The following DHX34 variants were observed in gnomAD, a reference collection of about 807,000 sequenced individuals.
The protein encoded by DHX34 is probable ATP-dependent RNA helicase DHX34.
DHX34 carries 96 observed loss-of-function variants against 111.1 expected under a neutral mutation model. The ratio of observed to expected loss-of-function variants is 0.86; its 90% confidence interval spans 0.73 to 1.02. The LOEUF is 1.02. DHX34 is among the 50% of genes least tolerant of loss of function. The pLI is 0.00. For synonymous variants in DHX34, 688 were observed against 670.4 expected, an observed-to-expected ratio of 1.03 and a Z score of -0.41; for missense variants, 1,560 against 1,579.9, an observed-to-expected ratio of 0.99 and a Z score of 0.21.
chr19:47,350,497 C>A (rs1000988384), intron 1 of DHX34, among the ~76,000 whole-genome samples: 1 of 151,588 alleles, frequency 6.6e-6, no homozygotes, highest in African/African-American at 2.4e-5. Flanking sequence ...TCTTGGCTCA[C>A]TGCAACCTCT....
At chr19:47,375,421 ACT>A in intron 9 of DHX34, 43 bp from the exon 10 acceptor site, 1 of 1,527,602 alleles carries the variant, frequency 6.5e-7, no homozygotes, top group Non-Finnish European at 8.7e-7. Flanking sequence ...TCCAGAGCCC[ACT>A]GAGTCTGCCC....
chr19:47,372,824 C>CGCCCAGAGCA lies in DHX34; in HGVS notation c.1872_1881dup (p.Cys628GlnfsTer17), dbSNP rs780075666. On this transcript the variant is annotated frameshift_variant, in exon 8 of 17. Coordinates refer to ENST00000328771, the MANE Select transcript of DHX34 (RefSeq NM_014681.6). LOFTEE classifies it high-confidence loss of function. ...GCGTCCAGTCGCCCTTCACCCGCAG[C>CGCCCAGAGCA]GCCCAGAGCAGCCCAGAGTGCGCGG... 1.2e-6 allele frequency: 2 copies of CGCCCAGAGCA among 1,612,878 alleles called. No homozygotes were observed. The highest frequency in any genetic ancestry group is 1.7e-6 in the Non-Finnish European group (2 of 1,179,806).
At chr19:47,360,431 G>A (rs1039662765) in intron 5 of DHX34, among the ~76,000 whole-genome samples, 1 of 152,112 alleles carries the variant, frequency 6.6e-6, no homozygotes, top group Non-Finnish European at 1.5e-5. Context: ...ATGGACCAAT[G>A]GCAACATCTT....
chr19:47,354,281 G>T (rs984004523), intron 2 of DHX34, among the ~76,000 whole-genome samples: 2 of 152,076 alleles, frequency 1.3e-5, no homozygotes, highest in African/African-American at 4.8e-5. Context: ...AATTCTTGAC[G>T]ATCACTGCAA....
At chr19:47,363,434 G>T (rs1969695804) in intron 6 of DHX34, among the ~76,000 whole-genome samples, 1 of 152,074 alleles carries the variant, frequency 6.6e-6, no homozygotes, top group Non-Finnish European at 1.5e-5. Flanking sequence ...GAGTGTCAGG[G>T]TCAGGAAGGA....
rs979067246 is a variant in DHX34 at position 47,360,214 on chromosome 19, C to A, written c.1375+144C>A. On this transcript the variant is annotated intron_variant, in intron 5 of 16. Coordinates refer to ENST00000328771, the MANE Select transcript of DHX34 (RefSeq NM_014681.6). ...CCATATCCAAAATGCTTGCTTGCAA[C>A]CAGAAGTGTTTGGAATTTCGGGTTT... 5.5e-5 allele frequency: 38 copies of A among 693,638 alleles called. No individual in the cohort carries two copies. The Admixed American group carries it at 1.0e-3, about 19-fold the overall frequency. The allele number at this position is 693,638 out of a possible 1,614,324, so 43.0% of individuals were successfully genotyped here. A position where few individuals can be genotyped will look rare whatever the true frequency, so the allele number is the denominator to read the frequency against.
intron 11 of DHX34, 26 bp downstream of exon 11, chr19:47,376,123 T>C: frequency 6.5e-6 from 10 of 1,527,972 alleles, no homozygotes; most frequent in Non-Finnish European, 8.8e-6. Flanking sequence ...CCCCATCCTA[T>C]GTTTTGTCCT....
intron 7 of DHX34, among the ~76,000 whole-genome samples, chr19:47,368,639 TACACAC>T (rs533434183): frequency 6.8e-4 from 99 of 145,756 alleles, no homozygotes; most frequent in African/African-American, 1.9e-3. Context: ...TGTATATATA[TACACAC>T]ACACACACAC....
rs549641119 is a variant in DHX34 at position 47,376,675 on chromosome 19, G to T, written c.2599+115G>T. 25 of 1,470,806 alleles carry T rather than the reference G, an allele frequency of 1.7e-5. No individual in the cohort carries two copies. The South Asian group carries it at 3.3e-4, about 19-fold the overall frequency. The allele number at this position is 1,470,806 out of a possible 1,614,324, so 91.1% of individuals were successfully genotyped here. ...CACACCGGCCCAGGCTGGTATTGACGGGGGCCCACAGGAGGGGAAGTTCCA... is the reference window on the plus strand; with the variant it reads ...CACACCGGCCCAGGCTGGTATTGACTGGGGCCCACAGGAGGGGAAGTTCCA... On this transcript the variant is annotated intron_variant, in intron 12 of 16. Transcript: ENST00000328771.
chr19:47,373,045 A>T lies in DHX34; in HGVS notation c.1962+122A>T, dbSNP rs114213829. ...CCCTGGGAGGACCACTGAGCCCCCC[A>T]CAGACTGGGCCTGCCTGGGGAGGGC... On this transcript the variant is annotated intron_variant, in intron 8 of 16. Transcript: ENST00000328771. The T allele has an allele frequency of 6.9e-6, 9 of 1,298,438 alleles. No homozygotes were observed. The Admixed American group carries it at 1.2e-4, about 17-fold the overall frequency. The allele number at this position is 1,298,438 out of a possible 1,614,324, so 80.4% of individuals were successfully genotyped here. A position where few individuals can be genotyped will look rare whatever the true frequency, so the allele number is the denominator to read the frequency against.
chr19:47,379,579 G>A, intron 13 of DHX34, 131 bp from the exon 14 acceptor site: 1 of 1,476,502 alleles, frequency 6.8e-7, no homozygotes, highest in Non-Finnish European at 9.0e-7. Context: ...ACAGCGGGTA[G>A]ATGGCGGGTA....
chr19:47,380,133 A>G, intron 14 of DHX34, 148 bp downstream of exon 14: 1 of 1,355,200 alleles, frequency 7.4e-7, no homozygotes, highest in South Asian at 1.6e-5. Flanking sequence ...TCACTTACAC[A>G]AGGTCACTCC....
chr19:47,355,533 T>C (rs1450509738), intron 3 of DHX34, among the ~76,000 whole-genome samples, 183 bp downstream of exon 3: 2 of 152,176 alleles, frequency 1.3e-5, no homozygotes, highest in African/African-American at 4.8e-5. Context: ...AAGTGCTTGT[T>C]AGAGTAAAAG....
At chr19:47,380,180 C>T (rs1970309724) in intron 14 of DHX34, among the ~76,000 whole-genome samples, 195 bp downstream of exon 14, 3 of 152,188 alleles carry the variant, frequency 2.0e-5, no homozygotes, top group Admixed American at 2.0e-4. Flanking sequence ...ATCCCAGGAG[C>T]CTGGTTCCAG....
intron 7 of DHX34, among the ~76,000 whole-genome samples, chr19:47,370,624 G>A (rs1348163595): frequency 1.3e-5 from 2 of 152,184 alleles, no homozygotes; most frequent in Admixed American, 1.3e-4. Context: ...GGCTGGATCC[G>A]CTGGACTTGG....
chr19:47,371,296 G>A (rs894398759), intron 7 of DHX34, among the ~76,000 whole-genome samples: 2 of 152,238 alleles, frequency 1.3e-5, no homozygotes, highest in Non-Finnish European at 2.9e-5. Flanking sequence ...GAGGCTCAGA[G>A]AACTGCTGCT....
chr19:47,352,252 T>C (rs981396401), intron 1 of DHX34, among the ~76,000 whole-genome samples: 1 of 152,230 alleles, frequency 6.6e-6, no homozygotes, highest in Non-Finnish European at 1.5e-5. Context: ...ATCACTGGAT[T>C]GTCACAGTCT....
intron 7 of DHX34, 112 bp downstream of exon 7, chr19:47,367,267 T>C (rs1011876614): frequency 6.0e-6 from 7 of 1,160,178 alleles, no homozygotes; most frequent in Non-Finnish European, 8.0e-6. Context: ...GTCCAGTTCA[T>C]TTATTCACTC....
chr19:47,374,254 T>G (rs1599771332), intron 9 of DHX34, among the ~76,000 whole-genome samples: 1 of 151,860 alleles, frequency 6.6e-6, no homozygotes, highest in East Asian at 1.9e-4. Context: ...CTGGACAACA[T>G]GGTAAAACTC....
Sources: gnomAD v4.1 joint callset for allele counts (sites outside exome capture counted in the v4.1 genomes callset) on GRCh38, gnomAD v4.1.1 for gene constraint, MANE v1.5 for transcripts, NCBI Gene and HGNC (gene_info 2026-07-23, HGNC 2026-07-21) for gene names.